The following DNASE1 variants were observed in gnomAD, a reference collection of about 807,000 sequenced individuals.
The protein encoded by DNASE1 is deoxyribonuclease 1, also known as deoxyribonuclease-1.
Under a neutral mutation model 33.9 loss-of-function variants are expected in DNASE1, and 40 were observed. The observed-to-expected ratio is 1.18, with a 90% confidence interval of 0.92 to 1.54. The LOEUF is 1.54. Among genes scored for constraint, DNASE1 ranks in the 40% most tolerant of loss-of-function variants. DNASE1 has a pLI of 0.00. For missense variants in DNASE1, 518 were observed against 372.6 expected, an observed-to-expected ratio of 1.39 and a Z score of -3.21; for synonymous variants, 216 against 160.0, an observed-to-expected ratio of 1.35 and a Z score of -2.64.
At chr16:3,624,756 C>A (rs941354671) in intron 1 of DNASE1, among the ~76,000 whole-genome samples, 2 of 152,206 alleles carry the variant, frequency 1.3e-5, no homozygotes, top group East Asian at 1.9e-4. Flanking sequence ...ACTTGGGTCA[C>A]TGCATCCTCT....
intron 5 of DNASE1, 96 bp from the exon 6 acceptor site, chr16:3,656,903 C>T: frequency 1.3e-6 from 2 of 1,552,352 alleles, no homozygotes; most frequent in Non-Finnish European, 1.7e-6. Flanking sequence ...AATATCCACC[C>T]CCCGGGGGGA....
chr16:3,656,825 G>T, intron 5 of DNASE1, 72 bp downstream of exon 5: 1 of 1,545,794 alleles, frequency 6.5e-7, no homozygotes, highest in Non-Finnish European at 8.7e-7. Context: ...AGGGAACCTG[G>T]AATGCCTGTG....
intron 1 of DNASE1, among the ~76,000 whole-genome samples, chr16:3,633,395 T>C (rs932720613): frequency 6.6e-6 from 1 of 152,112 alleles, no homozygotes; most frequent in African/African-American, 2.4e-5. Flanking sequence ...TCACCTGAGG[T>C]CAGGAGTTTG....
In DNASE1 at chr16:3,634,216, CA is replaced by C. The variant is rs150743981; in HGVS notation, c.-1358-6498del. Reference sequence around the variant, plus strand: ...TTTGTTTTTGTTTTTGTTGTCGAGACAGGGTTTTTTTGTTTGTTTGTTTGTT... The same window carrying C: ...TTTGTTTTTGTTTTTGTTGTCGAGACGGGTTTTTTTGTTTGTTTGTTTGTT... On this transcript the variant is annotated intron_variant and NMD_transcript_variant, in intron 1 of 11. Transcript: ENST00000570769. Among the ~76,000 whole-genome samples, 537 of 151,298 alleles carry C rather than the reference CA, an allele frequency of 3.5e-3. 3 individuals are homozygous for C. Among genetic ancestry groups the C allele is most frequent in the African/African-American group, 0.012 (509 of 41,304 alleles).
At chr16:3,623,678 A>C (rs2041402823) in intron 1 of DNASE1, among the ~76,000 whole-genome samples, 1 of 152,212 alleles carries the variant, frequency 6.6e-6, no homozygotes, top group Non-Finnish European at 1.5e-5. Context: ...TAACACCTGT[A>C]ATCCCAGGAC....
exon 10 of DNASE1, chr16:3,663,809 C>G: frequency 1.9e-6 from 1 of 519,836 alleles, no homozygotes; most frequent in Non-Finnish European, 3.4e-6. Flanking sequence ...TGCAGTGGCT[C>G]ACGCCTGTAA....
chr16:3,653,826 A>AAACAAAAAAAAAAAAAAAAC (rs2042427618), upstream of DNASE1: 1 of 144,908 alleles, frequency 6.9e-6, no homozygotes, highest in African/African-American at 2.6e-5. Flanking sequence ...AAAAAAAAAA[A>AAACAAAAAAAAAAAAAAAAC]AAAAAAAAAA....
At chr16:3,657,677 T>C in intron 7 of DNASE1, 43 bp from the exon 8 acceptor site, 1 of 1,611,498 alleles carries the variant, frequency 6.2e-7, no homozygotes, top group Non-Finnish European at 8.5e-7. Flanking sequence ...GCCAGGCCCA[T>C]GTGTGAAAGG....
chr16:3,612,927 G>C (rs1462869665), intron 1 of DNASE1, among the ~76,000 whole-genome samples: 2 of 152,150 alleles, frequency 1.3e-5, no homozygotes. Context: ...TCCAGTCACT[G>C]AAATAATGAA....
At chr16:3,626,824 G>C (rs1012255023) in intron 1 of DNASE1, among the ~76,000 whole-genome samples, 2 of 152,092 alleles carry the variant, frequency 1.3e-5, no homozygotes, top group African/African-American at 2.4e-5. Context: ...ATGCTGTCTT[G>C]ATGAATTGAC....
chr16:3,663,075 G>A (rs1334776733), downstream of DNASE1: 5 of 835,150 alleles, frequency 6.0e-6, no homozygotes, highest in Admixed American at 1.4e-4. Flanking sequence ...CCACCAGGAT[G>A]GAGACACAAG....
chr16:3,613,387 T>G (rs1017450900), intron 1 of DNASE1, among the ~76,000 whole-genome samples: 2 of 152,216 alleles, frequency 1.3e-5, no homozygotes, highest in African/African-American at 4.8e-5. Flanking sequence ...GGCATATGGA[T>G]GTTTTTACTT....
intron 1 of DNASE1, among the ~76,000 whole-genome samples, chr16:3,619,071 A>G (rs556783096): frequency 9.2e-5 from 14 of 151,416 alleles, no homozygotes; most frequent in Admixed American, 6.6e-4. Context: ...GTTACACTCT[A>G]TCATCCAGAA....
chr16:3,639,285 T>A (rs901300174), upstream of DNASE1, among the ~76,000 whole-genome samples: 2 of 152,218 alleles, frequency 1.3e-5, no homozygotes, highest in African/African-American at 4.8e-5. Flanking sequence ...CTTACAGCTG[T>A]CTGTGACATG....
At chr16:3,621,139 A>G (rs1185670877) in intron 1 of DNASE1, among the ~76,000 whole-genome samples, 1 of 151,844 alleles carries the variant, frequency 6.6e-6, no homozygotes, top group Non-Finnish European at 1.5e-5. Flanking sequence ...GCTGTCATCC[A>G]TGCTAGAATG....
chr16:3,664,590 TAGTGGA>T (rs2050784487), exon 10 of DNASE1: 1 of 969,176 alleles, frequency 1.0e-6, no homozygotes, highest in Non-Finnish European at 1.5e-6. Flanking sequence ...CGAGGGACGG[TAGTGGA>T]CTCGGGGGTT....
At chr16:3,661,808 G>C (rs917561009), downstream of DNASE1, 13 of 715,510 alleles carry the variant, frequency 1.8e-5, no homozygotes, top group Admixed American at 1.2e-4. Flanking sequence ...ATGGTAAGGG[G>C]CTGGCCAGGT....
intron 1 of DNASE1, among the ~76,000 whole-genome samples, chr16:3,612,547 G>C (rs1188907152): frequency 7.3e-6 from 1 of 137,882 alleles, no homozygotes; most frequent in African/African-American, 2.8e-5. Flanking sequence ...CACCGCTCAC[G>C]GCTTTTTTTT....
At chr16:3,659,726 C>CA (rs1257677565), downstream of DNASE1, 1 of 150,676 alleles carries the variant, frequency 6.6e-6, no homozygotes, top group Non-Finnish European at 1.5e-5. Context: ...TTCCTAACTG[C>CA]ATCCCTTTAA....
Sources: gnomAD v4.1 joint callset for allele counts (sites outside exome capture counted in the v4.1 genomes callset) on GRCh38, gnomAD v4.1.1 for gene constraint, MANE v1.5 for transcripts, NCBI Gene and HGNC (gene_info 2026-07-23, HGNC 2026-07-21) for gene names.